Variants in SLC26A8 observed in about 807,000 individuals in gnomAD.
SLC26A8 encodes solute carrier family 26 member 8.
Under a neutral mutation model 105.0 loss-of-function variants are expected in SLC26A8, and 70 were observed. That is an observed-to-expected ratio of 0.67 (90% CI 0.55 to 0.81). SLC26A8 has a LOEUF of 0.81. Ranked by LOEUF, SLC26A8 falls within the 40% of genes least tolerant of loss-of-function variation. SLC26A8 has a pLI of 0.00. For missense variants in SLC26A8, 998 were observed against 1,181.8 expected, an observed-to-expected ratio of 0.84 and a Z score of 2.28; for synonymous variants, 415 against 438.3, an observed-to-expected ratio of 0.95 and a Z score of 0.66.
rs67300118 is a variant in SLC26A8, at chr6:35,957,330, A to AT, written c.1864-1811dup. Among the ~76,000 whole-genome samples, 742 of 148,740 alleles carry AT rather than the reference A, an allele frequency of 5.0e-3. 8 individuals are homozygous for AT. The highest frequency in any genetic ancestry group is 0.015 in the African/African-American group (609 of 40,636). ...TGGTGTAATTCTGGGTGATGTTTCT[A>AT]TTTTTTTTTTTAATGTTATTCTAAC... On this transcript the variant is annotated intron_variant, in intron 16 of 19. Transcript: ENST00000490799.
chr6:35,947,094 T>C (rs142800035), intron 19 of SLC26A8, among the ~76,000 whole-genome samples: 60 of 152,290 alleles, frequency 3.9e-4, no homozygotes, highest in African/African-American at 1.3e-3. Flanking sequence ...AGTGGCAGGA[T>C]CTCAGCCCAC....
chr6:35,985,443 C>T (rs1172892771), intron 7 of SLC26A8, among the ~76,000 whole-genome samples: 1 of 151,878 alleles, frequency 6.6e-6, no homozygotes, highest in Non-Finnish European at 1.5e-5. Context: ...GCCTGTAATC[C>T]CAGCACTTTG....
chr6:35,997,614 CA>C (rs1189695099), intron 5 of SLC26A8, 123 bp downstream of exon 5: 7 of 1,031,884 alleles, frequency 6.8e-6, no homozygotes, highest in Non-Finnish European at 9.5e-6. Context: ...TCTGATTTTT[CA>C]AAAAATAAAT....
chr6:36,008,525 G>A (rs1264145162), intron 3 of SLC26A8, among the ~76,000 whole-genome samples: 1 of 152,080 alleles, frequency 6.6e-6, no homozygotes, highest in African/African-American at 2.4e-5. Context: ...TAAAATAAAA[G>A]ATACTAAAAA....
chr6:35,959,913 T>C (rs940444415), intron 14 of SLC26A8, 107 bp from the exon 15 acceptor site: 21 of 918,714 alleles, frequency 2.3e-5, no homozygotes, highest in Non-Finnish European at 3.1e-5. Context: ...CTTTTTTATT[T>C]TTTTATTTTT....
At chr6:36,012,916 C>A (rs1439696339) in intron 2 of SLC26A8, among the ~76,000 whole-genome samples, 1 of 152,142 alleles carries the variant, frequency 6.6e-6, no homozygotes, top group Non-Finnish European at 1.5e-5. Context: ...GGAGAGTCCC[C>A]AAGTGCGAGG....
chr6:35,954,171 T>C (rs988855120), intron 17 of SLC26A8, among the ~76,000 whole-genome samples: 33 of 152,286 alleles, frequency 2.2e-4, no homozygotes, highest in African/African-American at 6.7e-4. Flanking sequence ...TTAAACTGTC[T>C]GTACCATATA....
In SLC26A8 at chr6:35,951,489, G is replaced by C. The variant is rs375415581; in HGVS notation, c.2243C>G (p.Ala748Gly). 7.7e-5 allele frequency: 124 copies of C among 1,614,002 alleles called. No individual in the cohort carries two copies. Among genetic ancestry groups the C allele is most frequent in the Non-Finnish European group, 1.0e-4 (119 of 1,180,016 alleles). ...TATCAAAATGTTGGCGTTTTGAAAGGCATTGCATATCTGTGGGGGGAGAGA... is the reference window on the plus strand; with the variant it reads ...TATCAAAATGTTGGCGTTTTGAAAGCCATTGCATATCTGTGGGGGGAGAGA... Reference protein sequence around the residue: ...GLVVLRQICNAFQNANILILI... With the variant: ...GLVVLRQICNGFQNANILILI... The change falls in exon 18 of 20, where the codon GCC (alanine) becomes GGC (glycine). Residue 748 changes from alanine (A) to glycine (G), a missense_variant. Transcript: ENST00000490799.
At chr6:36,024,459 G>A (rs906879042) in intron 1 of SLC26A8, 45 bp downstream of exon 1, 1 of 449,730 alleles carries the variant, frequency 2.2e-6, no homozygotes, top group African/African-American at 2.0e-5. Context: ...CCCGCCCTGG[G>A]ACCTGCAGCC....
intron 3 of SLC26A8, among the ~76,000 whole-genome samples, chr6:36,001,946 G>C (rs556042937): frequency 9.2e-5 from 14 of 152,226 alleles, no homozygotes. Flanking sequence ...GATGAGTTTT[G>C]GGGTGATCTT....
rs373183727 is a variant in SLC26A8, at chr6:35,968,968, G to C, written c.1288-14C>G. On this transcript the variant is annotated splice_polypyrimidine_tract_variant and intron_variant, in intron 10 of 19. Coordinates refer to ENST00000490799, the MANE Select transcript of SLC26A8 (RefSeq NM_052961.4). ...CAGAGATGCAAACTGAGGAGACAGA[G>C]CCAGTTGGAGAGAAACCATCAGGAA... The C allele has an allele frequency of 6.2e-7, 1 of 1,609,998 alleles. No homozygotes were observed. Among genetic ancestry groups the C allele is most frequent in the African/African-American group, 1.3e-5 (1 of 74,592 alleles).
Position 35,955,281 on chromosome 6 carries a change from C to T in SLC26A8, c.2103G>A (p.Ala701=), listed in dbSNP as rs548161476. 2.8e-5 allele frequency: 45 copies of T among 1,614,166 alleles called. No homozygotes were observed. The African/African-American group carries it at 2.8e-4, about 10-fold the overall frequency. ...RNSSPGLPDV[A]ESQGRRSLIP... ...TGAGTGATCTCCTCCCCTGGCTTTC[C>T]GCCACATCAGGCAGTCCTGGTGAGC... The change falls in exon 17 of 20, where the codon GCG becomes GCA. Residue 701 remains alanine, a synonymous_variant. Coordinates refer to ENST00000490799, the MANE Select transcript of SLC26A8 (RefSeq NM_052961.4).
intron 5 of SLC26A8, among the ~76,000 whole-genome samples, chr6:35,996,530 A>G (rs929134699): frequency 1.1e-4 from 17 of 152,036 alleles, no homozygotes; most frequent in African/African-American, 3.9e-4. Context: ...TGAGCCTGTG[A>G]GGCCATCATT....
intron 3 of SLC26A8, among the ~76,000 whole-genome samples, chr6:36,010,077 G>A (rs1233742841): frequency 6.6e-6 from 1 of 152,172 alleles, no homozygotes; most frequent in African/African-American, 2.4e-5. Flanking sequence ...CACGTACCAT[G>A]TGACCAGTGA....
intron 4 of SLC26A8, among the ~76,000 whole-genome samples, chr6:35,998,149 T>A (rs1761410123): frequency 6.6e-6 from 1 of 152,184 alleles, no homozygotes; most frequent in Admixed American, 6.5e-5. Flanking sequence ...AGTCTCTTTG[T>A]GTTATGGGTA....
intron 5 of SLC26A8, among the ~76,000 whole-genome samples, chr6:35,996,702 A>G (rs1458135160): frequency 6.6e-6 from 1 of 152,120 alleles, no homozygotes; most frequent in Admixed American, 6.6e-5. Flanking sequence ...ACATGCTACC[A>G]TGCCCAGCTA....
chr6:35,983,497 G>A (rs534746844), intron 7 of SLC26A8, among the ~76,000 whole-genome samples: 2 of 151,844 alleles, frequency 1.3e-5, no homozygotes, highest in South Asian at 4.2e-4. Flanking sequence ...TAGTCTACCT[G>A]GATCTCAGTT....
chr6:35,946,928 G>T (rs1771697337), intron 19 of SLC26A8, among the ~76,000 whole-genome samples: 1 of 152,074 alleles, frequency 6.6e-6, no homozygotes, highest in Non-Finnish European at 1.5e-5. Context: ...GGCCTCAAGT[G>T]ATTCTTCTGC....
intron 10 of SLC26A8, among the ~76,000 whole-genome samples, chr6:35,974,908 T>G (rs973200767): frequency 7.8e-6 from 1 of 127,962 alleles, no homozygotes; most frequent in Non-Finnish European, 1.8e-5. Flanking sequence ...AGCTAATTGT[T>G]TTTTTTTTTT....
Sources: allele counts gnomAD v4.1 joint callset (sites outside exome capture counted in the v4.1 genomes callset), GRCh38; gene constraint gnomAD v4.1.1; transcripts MANE v1.5; gene names NCBI Gene and HGNC (gene_info 2026-07-23, HGNC 2026-07-21).